The following CADM2 variants were observed in gnomAD, a reference collection of about 807,000 sequenced individuals.
CADM2 encodes the protein immunoglobulin superfamily member 4D.
A neutral mutation model predicts 49.8 loss-of-function variants in CADM2; 12 were observed. That is an observed-to-expected ratio of 0.24 (90% CI 0.15 to 0.39). The LOEUF is 0.39. CADM2 is among the 10% of genes least tolerant of loss of function. The pLI is 1.00. For missense variants in CADM2, 378 were observed against 492.3 expected (o/e 0.77, Z 2.20); for synonymous variants, 214 against 175.4 (o/e 1.22, Z -1.74).
intron 1 of CADM2, among the ~76,000 whole-genome samples, chr3:85,424,940 T>C (rs1298392305): frequency 1.3e-5 from 2 of 152,152 alleles, no homozygotes; most frequent in Admixed American, 1.3e-4. Flanking sequence ...AATTTAATAA[T>C]ATATTGATTC....
chr3:85,809,506 G>T (rs1182298518), intron 3 of CADM2, among the ~76,000 whole-genome samples: 1 of 152,052 alleles, frequency 6.6e-6, no homozygotes, highest in Non-Finnish European at 1.5e-5. Flanking sequence ...CAAGAGAATT[G>T]CTTGAACCCA....
At chr3:85,844,986 T>C (rs2074808508) in intron 3 of CADM2, among the ~76,000 whole-genome samples, 2 of 151,016 alleles carry the variant, frequency 1.3e-5, no homozygotes, top group South Asian at 4.2e-4. Context: ...TGCCTATCTT[T>C]ACAAAAATGA....
chr3:85,422,453 A>G (rs531110363), intron 1 of CADM2, among the ~76,000 whole-genome samples: 14 of 151,880 alleles, frequency 9.2e-5, no homozygotes, highest in African/African-American at 3.4e-4. Context: ...AATTTTTTGT[A>G]TTTTTAGTAG....
At chr3:85,964,222 T>A (rs1352216370) in intron 8 of CADM2, among the ~76,000 whole-genome samples, 1 of 151,834 alleles carries the variant, frequency 6.6e-6, no homozygotes, top group Admixed American at 6.6e-5. Context: ...TAAGTGATCA[T>A]TTGTGAGAAC....
intron 8 of CADM2, among the ~76,000 whole-genome samples, chr3:86,000,302 A>C (rs1730015822): frequency 6.6e-6 from 1 of 152,202 alleles, no homozygotes; most frequent in Non-Finnish European, 1.5e-5. Context: ...GAAGTTTCTA[A>C]ATAATGGCTG....
At chr3:85,445,222 T>C (rs1180412365) in intron 1 of CADM2, among the ~76,000 whole-genome samples, 2 of 152,196 alleles carry the variant, frequency 1.3e-5, no homozygotes, top group East Asian at 3.9e-4. Context: ...TAAAACACCC[T>C]GCATCCAGTG....
At chr3:85,740,177 G>T (rs1471378948) in intron 2 of CADM2, among the ~76,000 whole-genome samples, 1 of 152,150 alleles carries the variant, frequency 6.6e-6, no homozygotes, top group Non-Finnish European at 1.5e-5. Flanking sequence ...TGTTTTCTAA[G>T]GAATTTGGTA....
chr3:85,351,636 C>T (rs1365632968), intron 1 of CADM2, among the ~76,000 whole-genome samples: 1 of 152,068 alleles, frequency 6.6e-6, no homozygotes, highest in Admixed American at 6.6e-5. Flanking sequence ...GTTTACTGCA[C>T]AGGCTGAGGG....
At chr3:85,912,587 C>A in intron 6 of CADM2, 44 bp downstream of exon 6, 1 of 1,551,464 alleles carries the variant, frequency 6.4e-7, no homozygotes, top group Non-Finnish European at 8.8e-7. Flanking sequence ...AGCAGCAAAT[C>A]TCTTCATCTG....
At chr3:85,310,101 T>C (rs2044307820) in intron 1 of CADM2, among the ~76,000 whole-genome samples, 1 of 152,208 alleles carries the variant, frequency 6.6e-6, no homozygotes, top group African/African-American at 2.4e-5. Flanking sequence ...TAATAATAAA[T>C]AGAAGATGCC....
chr3:85,610,871 T>G (rs749941333), intron 1 of CADM2, among the ~76,000 whole-genome samples: 15 of 151,998 alleles, frequency 9.9e-5, no homozygotes, highest in Admixed American at 1.3e-4. Context: ...TGATATAGAC[T>G]GTTTCATTTA....
intron 8 of CADM2, among the ~76,000 whole-genome samples, chr3:86,049,664 G>A (rs992220938): frequency 2.0e-5 from 3 of 152,226 alleles, no homozygotes; most frequent in Non-Finnish European, 4.4e-5. Flanking sequence ...GGCATGGGGG[G>A]CAGGCATCAG....
At chr3:85,933,900 A>T in intron 6 of CADM2, among the ~76,000 whole-genome samples, 1 of 152,196 alleles carries the variant, frequency 6.6e-6, no homozygotes, top group Middle Eastern at 3.4e-3. Context: ...CTTTCAAGAG[A>T]TTGGATGAGG....
At chr3:85,117,913 G>A (rs2038703097) in intron 1 of CADM2, among the ~76,000 whole-genome samples, 1 of 151,992 alleles carries the variant, frequency 6.6e-6, no homozygotes, top group Non-Finnish European at 1.5e-5. Context: ...CTATTATAAT[G>A]AAGCTTTCAT....
At chr3:85,419,930 G>A (rs2036092376) in intron 1 of CADM2, among the ~76,000 whole-genome samples, 1 of 152,088 alleles carries the variant, frequency 6.6e-6, no homozygotes, top group Non-Finnish European at 1.5e-5. Flanking sequence ...CAGGGGCGGG[G>A]TTTATGAATT....
chr3:85,582,976 A>T (rs6549043), intron 1 of CADM2, among the ~76,000 whole-genome samples: 78,033 of 151,974 alleles, frequency 0.51, 23,059 homozygotes, highest in East Asian at 0.85. Flanking sequence ...CCAAAAAAGA[A>T]AAAAGGTGTT....
At chr3:85,105,493 G>T (rs1387612445) in intron 1 of CADM2, among the ~76,000 whole-genome samples, 2 of 152,174 alleles carry the variant, frequency 1.3e-5, no homozygotes, top group Admixed American at 1.3e-4. Flanking sequence ...TACACTGTTG[G>T]TGGGACTGTC....
At position 86,037,196 on chromosome 3, in the gene CADM2, C is replaced by G. The variant is rs140237673; in HGVS notation, c.971-28409C>G. Reference sequence around the variant, plus strand: ...AATATTTCTTGGTTTCCATTTTTTTCTACCAAGTGTTAGTTTCACTGAAAT... The same window carrying G: ...AATATTTCTTGGTTTCCATTTTTTTGTACCAAGTGTTAGTTTCACTGAAAT... On this transcript the variant is annotated intron_variant, in intron 8 of 9. Transcript: ENST00000383699. Among the ~76,000 whole-genome samples, 112 of 151,798 alleles carry G rather than the reference C, an allele frequency of 7.4e-4. 1 individual carries two copies. Among genetic ancestry groups the G allele is most frequent in the Non-Finnish European group, 1.1e-3 (77 of 67,894 alleles).
At chr3:85,848,079 A>ATTGT (rs1393344016) in intron 3 of CADM2, among the ~76,000 whole-genome samples, 1 of 152,010 alleles carries the variant, frequency 6.6e-6, no homozygotes, top group Non-Finnish European at 1.5e-5. Flanking sequence ...ATTAATGTTG[A>ATTGT]TTGTTTCTCT....
Sources: gnomAD v4.1 joint callset for allele counts (sites outside exome capture counted in the v4.1 genomes callset) on GRCh38, gnomAD v4.1.1 for gene constraint, MANE v1.5 for transcripts, NCBI Gene and HGNC (gene_info 2026-07-23, HGNC 2026-07-21) for gene names.